Variants in FHIP1A observed in about 807,000 individuals in gnomAD.
FHIP1A encodes the protein FHF complex subunit HOOK interacting protein 1A.
Under a neutral mutation model 88.6 loss-of-function variants are expected in FHIP1A, and 61 were observed. The ratio of observed to expected loss-of-function variants is 0.69; its 90% CI spans 0.56 to 0.85. The LOEUF (loss-of-function observed/expected upper bound fraction) is 0.85. FHIP1A is among the 40% of genes least tolerant of loss of function. FHIP1A has a pLI of 0.00. For synonymous variants in FHIP1A, 478 were observed against 496.0 expected (o/e 0.96, Z 0.48); for missense variants, 1,154 against 1,273.5 (o/e 0.91, Z 1.43).
At chr4:151,483,974 G>C (rs988977243) in intron 3 of FHIP1A, among the ~76,000 whole-genome samples, 1 of 152,170 alleles carries the variant, frequency 6.6e-6, no homozygotes, top group Non-Finnish European at 1.5e-5. Context: ...CATTGAGCCT[G>C]TGTTTAAGTT....
chr4:151,514,549 A>G lies in FHIP1A; in HGVS notation c.-123+31901A>G, dbSNP rs912591107. On this transcript the variant is annotated intron_variant, in intron 3 of 13. Transcript: ENST00000435205. ...TTGAAAGGATCAACAAAATTGATAG[A>G]CCGCTAGCAAGACTAATAAAGAAGA... Among the ~76,000 whole-genome samples the G allele has an allele frequency of 9.9e-5, 15 of 152,032 alleles. No individual in the cohort carries two copies. In the East Asian group the frequency reaches 1.2e-3, roughly 12 times the overall value.
At chr4:151,586,335 G>A (rs567663380) in intron 5 of FHIP1A, among the ~76,000 whole-genome samples, 12 of 152,072 alleles carry the variant, frequency 7.9e-5, no homozygotes, top group South Asian at 2.1e-4. Context: ...TCATCTTTGC[G>A]TGTACTCCTC....
chr4:151,668,995 A>C lies in FHIP1A; in HGVS notation c.*6241A>C, dbSNP rs1255323253. Among the ~76,000 whole-genome samples, 1 of 152,196 alleles carries C rather than the reference A, an allele frequency of 6.6e-6. No homozygotes were observed. Among genetic ancestry groups the C allele is most frequent in the African/African-American group, 2.4e-5 (1 of 41,452 alleles). On this transcript the variant is annotated 3_prime_UTR_variant, in exon 14 of 14. Coordinates refer to ENST00000435205, the MANE Select transcript of FHIP1A (RefSeq NM_001109977.3). ...CATCACCTGTGGTGCCAACTCATAC[A>C]TTTTAATGAGATTTCTCCCTGAAGG...
chr4:151,452,395 C>T (rs1294737099), intron 1 of FHIP1A, among the ~76,000 whole-genome samples: 4 of 152,044 alleles, frequency 2.6e-5, no homozygotes, highest in Non-Finnish European at 4.4e-5. Context: ...TTTAATTAAG[C>T]ATTTAGTTTT....
chr4:151,455,452 A>C (rs916762472), intron 2 of FHIP1A, among the ~76,000 whole-genome samples: 20 of 152,182 alleles, frequency 1.3e-4, no homozygotes, highest in African/African-American at 4.8e-4. Context: ...TTGCTGGTTT[A>C]ATTCTCTTTG....
intron 2 of FHIP1A, among the ~76,000 whole-genome samples, chr4:151,474,904 C>G (rs917316891): frequency 4.6e-5 from 7 of 152,158 alleles, no homozygotes; most frequent in Non-Finnish European, 8.8e-5. Flanking sequence ...TTACCTTGTA[C>G]AGGGGCTTGT....
intron 9 of FHIP1A, among the ~76,000 whole-genome samples, chr4:151,643,922 AT>A (rs1026549963): frequency 6.6e-6 from 1 of 152,214 alleles, no homozygotes; most frequent in African/African-American, 2.4e-5. Flanking sequence ...TTATTCTAAT[AT>A]AGTTTCAAGC....
At chr4:151,579,305 C>G (rs1733935422) in intron 5 of FHIP1A, among the ~76,000 whole-genome samples, 1 of 152,124 alleles carries the variant, frequency 6.6e-6, no homozygotes, top group African/African-American at 2.4e-5. Flanking sequence ...ATGTAGCACT[C>G]TGGTAGGGGA....
chr4:151,412,841 C>T (rs1239424682), intron 1 of FHIP1A, among the ~76,000 whole-genome samples: 2 of 151,618 alleles, frequency 1.3e-5, no homozygotes, highest in African/African-American at 2.4e-5. Flanking sequence ...AGCACCACCA[C>T]GCCTGGCTAA....
chr4:151,556,665 T>A (rs947028689), intron 3 of FHIP1A, among the ~76,000 whole-genome samples: 2 of 152,178 alleles, frequency 1.3e-5, no homozygotes, highest in Non-Finnish European at 2.9e-5. Context: ...ATTGTATATG[T>A]TCTTGGCATT....
chr4:151,480,018 T>C (rs903990666), intron 2 of FHIP1A, among the ~76,000 whole-genome samples: 3 of 152,068 alleles, frequency 2.0e-5, no homozygotes, highest in Non-Finnish European at 4.4e-5. Flanking sequence ...TGTGACTGAA[T>C]TGTTAACTGC....
At chr4:151,567,775 A>G (rs1232177968) in intron 4 of FHIP1A, among the ~76,000 whole-genome samples, 2 of 152,040 alleles carry the variant, frequency 1.3e-5, no homozygotes, top group African/African-American at 4.8e-5. Context: ...TGTCTGTATG[A>G]TTACTAATTT....
chr4:151,628,500 G>A (rs1036302427), intron 7 of FHIP1A, among the ~76,000 whole-genome samples: 17 of 152,018 alleles, frequency 1.1e-4, no homozygotes, highest in Non-Finnish European at 2.5e-4. Context: ...TTTAAAAGCC[G>A]AAAATTAAAA....
At chr4:151,474,946 G>T (rs1272018452) in intron 2 of FHIP1A, among the ~76,000 whole-genome samples, 1 of 152,120 alleles carries the variant, frequency 6.6e-6, no homozygotes, top group Admixed American at 6.6e-5. Context: ...TTCAATCAAT[G>T]GTGTGATTAA....
chr4:151,481,103 A>G (rs1729880280), intron 2 of FHIP1A, among the ~76,000 whole-genome samples: 1 of 152,020 alleles, frequency 6.6e-6, no homozygotes, highest in Admixed American at 6.6e-5. Flanking sequence ...CCCTCAACCC[A>G]TCTAAAGATA....
At chr4:151,580,734 GTTTA>G (rs1311820211) in intron 5 of FHIP1A, among the ~76,000 whole-genome samples, 3 of 152,090 alleles carry the variant, frequency 2.0e-5, no homozygotes, top group African/African-American at 7.2e-5. Flanking sequence ...AGATAAACTG[GTTTA>G]TTCATACATC....
chr4:151,604,056 G>A (rs73862067), intron 7 of FHIP1A, among the ~76,000 whole-genome samples: 1,976 of 152,156 alleles, frequency 0.013, 56 homozygotes, highest in African/African-American at 0.045. Flanking sequence ...CCCTGACTCC[G>A]TACCATTCTC....
At chr4:151,500,839 G>A (rs796176622) in intron 3 of FHIP1A, among the ~76,000 whole-genome samples, 14 of 152,206 alleles carry the variant, frequency 9.2e-5, no homozygotes, top group African/African-American at 3.4e-4. Context: ...ATTGTTGGAG[G>A]TGTTAAATTA....
At position 151,501,400 on chromosome 4, in the gene FHIP1A, C is replaced by T. The variant is rs540123616; in HGVS notation, c.-123+18752C>T. ...TTTAATACATTATTTAATAGAAACA[C>T]CGATGTACAAGTGTTTCTATTTCTC... is the stretch of plus-strand genomic sequence containing the variant. On this transcript the variant is annotated intron_variant, in intron 3 of 13. Coordinates refer to ENST00000435205, the MANE Select transcript of FHIP1A (RefSeq NM_001109977.3). Among the ~76,000 whole-genome samples the T allele has an allele frequency of 5.8e-4, 88 of 152,228 alleles. No individual in the cohort carries two copies. In the East Asian group the frequency reaches 0.015, roughly 25 times the overall value.
Sources: allele counts gnomAD v4.1 joint callset (sites outside exome capture counted in the v4.1 genomes callset), GRCh38; gene constraint gnomAD v4.1.1; transcripts MANE v1.5; gene names NCBI Gene and HGNC (gene_info 2026-07-23, HGNC 2026-07-21).